Variants in ANXA3 observed in about 807,000 individuals in gnomAD.
The protein encoded by ANXA3 is annexin A3, also known as 35-alpha calcimedin.
A neutral mutation model predicts 48.8 loss-of-function variants in ANXA3; 46 were observed. That is an observed-to-expected ratio of 0.94 (90% confidence interval 0.74 to 1.21). The LOEUF is 1.21. Among genes scored for constraint, ANXA3 ranks in the 50% most tolerant of loss-of-function variants. The pLI is 0.00. For synonymous variants in ANXA3, 128 were observed against 134.7 expected (o/e 0.95, Z 0.35); for missense variants, 383 against 378.6 (o/e 1.01, Z -0.10).
At chr4:78,573,743 G>C (rs917494656) in intron 3 of ANXA3, among the ~76,000 whole-genome samples, 2 of 152,178 alleles carry the variant, frequency 1.3e-5, no homozygotes, top group African/African-American at 4.8e-5. Flanking sequence ...TGAAGATTCT[G>C]GGAAAAAGGT....
chr4:78,604,364 A>C lies in ANXA3; in HGVS notation c.877A>C (p.Lys293Gln), dbSNP rs373708588. The change falls in exon 12 of 13, where the codon AAG becomes CAG. Residue 293 changes from lysine to glutamine, a missense_variant. By Grantham distance (53) the Lys-to-Gln change is moderately conservative. Transcript: ENST00000264908. ...TTTGGACATTCGAACAGAGTTCAAG[A>C]AGCATTATGGCTATTCCCTATATTC... Reference protein sequence around the residue: ...DLLDIRTEFKKHYGYSLYSAI... With the variant: ...DLLDIRTEFKQHYGYSLYSAI... The C allele has an allele frequency of 2.8e-5, 45 of 1,613,370 alleles. No homozygotes were observed. In the African/African-American group the frequency reaches 5.3e-4, roughly 19 times the overall value.
At chr4:78,566,463 A>G (rs1179918774) in intron 2 of ANXA3, among the ~76,000 whole-genome samples, 2 of 148,572 alleles carry the variant, frequency 1.3e-5, no homozygotes, top group African/African-American at 5.0e-5. Flanking sequence ...ACTATACTAT[A>G]GAATACTACT....
At chr4:78,585,541 G>T (rs1243843891) in intron 5 of ANXA3, among the ~76,000 whole-genome samples, 1 of 152,234 alleles carries the variant, frequency 6.6e-6, no homozygotes, top group Non-Finnish European at 1.5e-5. Flanking sequence ...AAAAGAAGCT[G>T]AGAAACATAG....
intron 7 of ANXA3, 65 bp downstream of exon 7, chr4:78,591,688 GA>G: frequency 1.7e-6 from 2 of 1,209,920 alleles, no homozygotes; most frequent in Non-Finnish European, 1.2e-6. Flanking sequence ...AATTTTTAGG[GA>G]GTTTAAAAAT....
At chr4:78,593,484 G>A (rs1452374277) in intron 7 of ANXA3, among the ~76,000 whole-genome samples, 1 of 150,434 alleles carries the variant, frequency 6.6e-6, no homozygotes, top group Non-Finnish European at 1.5e-5. Context: ...TTACAGGCGT[G>A]AGCCACTGCG....
At chr4:78,563,865 G>A (rs1722675415) in intron 2 of ANXA3, among the ~76,000 whole-genome samples, 1 of 152,090 alleles carries the variant, frequency 6.6e-6, no homozygotes, top group African/African-American at 2.4e-5. Flanking sequence ...CCCTTAGACA[G>A]GGACGTCTCC....
Position 78,590,795 on chromosome 4 carries a change from C to T in ANXA3, c.404-749C>T, listed in dbSNP as rs112483671. Among the ~76,000 whole-genome samples the T allele has an allele frequency of 1.3e-4, 19 of 143,032 alleles. 2 individuals carry two copies. The highest frequency in any genetic ancestry group is 1.2e-3 in the South Asian group (6 of 4,808). The allele number at this position is 143,032 out of a possible 152,430, so 93.8% of individuals were successfully genotyped here. A position where few individuals can be genotyped will look rare whatever the true frequency, so the allele number is the denominator to read the frequency against. On this transcript the variant is annotated intron_variant, in intron 6 of 12. Coordinates refer to ENST00000264908, the MANE Select transcript of ANXA3 (RefSeq NM_005139.3). ...TATTCATTAAGATTAGGGTTAGATT[C>T]GATAAAACAGAAAAATTACAGTGGC...
intron 2 of ANXA3, among the ~76,000 whole-genome samples, chr4:78,569,287 T>G (rs1440152181): frequency 5.9e-5 from 9 of 152,146 alleles, no homozygotes; most frequent in Admixed American, 5.9e-4. Context: ...TAAATAGACT[T>G]TGCCAAGTAT....
chr4:78,561,006 C>A (rs1407346681), intron 2 of ANXA3, among the ~76,000 whole-genome samples: 1 of 151,994 alleles, frequency 6.6e-6, no homozygotes, highest in Admixed American at 6.6e-5. Context: ...ATCAGAAGCT[C>A]TGATTTTTAG....
At position 78,573,222 on chromosome 4, in the gene ANXA3, C is replaced by G. The variant is rs745825275; in HGVS notation, c.58C>G (p.Pro20Ala). ...AGTAAGAGATTATCCAGACTTTAGC[C>G]CATCAGTGGATGCTGAAGCTATTCA... ...GTVRDYPDFS[P>A]SVDAEAIQKA... The change falls in exon 3 of 13, where the codon CCA becomes GCA. Residue 20 changes from proline to alanine, a missense_variant. Physicochemically the swap from Pro to Ala is conservative, Grantham distance 27 (BLOSUM62 -1). Coordinates refer to ENST00000264908, the MANE Select transcript of ANXA3 (RefSeq NM_005139.3). 1 of 1,613,634 alleles carries G rather than the reference C, an allele frequency of 6.2e-7. No homozygotes were observed. The highest frequency in any genetic ancestry group is 2.2e-5 in the East Asian group (1 of 44,864).
At chr4:78,588,619 G>A (rs1483584828) in intron 6 of ANXA3, among the ~76,000 whole-genome samples, 2 of 152,110 alleles carry the variant, frequency 1.3e-5, no homozygotes. Context: ...TCTGAAAAGA[G>A]GGCTCCATCT....
intron 3 of ANXA3, among the ~76,000 whole-genome samples, chr4:78,578,331 A>AGAGAGAGAGGG (rs1560444874): frequency 2.4e-5 from 1 of 41,380 alleles, no homozygotes; most frequent in Non-Finnish European, 4.4e-5. Context: ...GAGAGAGAGA[A>AGAGAGAGAGGG]AGGGAGGGAG....
intron 3 of ANXA3, among the ~76,000 whole-genome samples, chr4:78,574,392 C>T (rs1176391796): frequency 1.3e-5 from 2 of 152,162 alleles, no homozygotes; most frequent in Admixed American, 1.3e-4. Flanking sequence ...TGCACTCCAG[C>T]CTCGATGACA....
At chr4:78,596,539 T>C (rs1056359374) in intron 9 of ANXA3, among the ~76,000 whole-genome samples, 18 of 152,254 alleles carry the variant, frequency 1.2e-4, no homozygotes, top group African/African-American at 4.3e-4. Flanking sequence ...ACCAAGCTTA[T>C]GCTGAGTTGA....
rs1405834451 is a variant in ANXA3, at chr4:78,579,128, T to G, written c.198+7T>G. ...TCAAGCAGCATATGGAAAGGTAAGG[T>G]CACATTAACATGACAGGCAGTAAAG... is the stretch of plus-strand genomic sequence containing the variant. On this transcript the variant is annotated splice_region_variant and intron_variant, in intron 4 of 12. Transcript: ENST00000264908. 6.3e-7 allele frequency: 1 copy of G among 1,596,090 alleles called. No individual in the cohort carries two copies. The highest frequency in any genetic ancestry group is 1.7e-5 in the Admixed American group (1 of 59,864).
At chr4:78,578,911 C>T (rs551950274) in intron 3 of ANXA3, 116 bp from the exon 4 acceptor site, 139 of 411,014 alleles carry the variant, frequency 3.4e-4, no homozygotes, top group African/African-American at 2.7e-3. Context: ...AGATAAGATG[C>T]TAGAAATTAA....
At chr4:78,560,505 G>A (rs774076271) in intron 2 of ANXA3, among the ~76,000 whole-genome samples, 1 of 152,182 alleles carries the variant, frequency 6.6e-6, no homozygotes. Flanking sequence ...TGGCATCAGG[G>A]CACCTCACCC....
At chr4:78,572,722 C>G (rs1722863925) in intron 2 of ANXA3, among the ~76,000 whole-genome samples, 1 of 152,158 alleles carries the variant, frequency 6.6e-6, no homozygotes, top group Non-Finnish European at 1.5e-5. Flanking sequence ...GTGATGCTAT[C>G]TGCAAGAGTA....
intron 1 of ANXA3, among the ~76,000 whole-genome samples, chr4:78,553,178 G>A (rs181853298): frequency 2.7e-4 from 41 of 152,308 alleles, no homozygotes; most frequent in Admixed American, 2.2e-3. Flanking sequence ...TTAGAGTCTA[G>A]CTGCCTAGAT....
Sources: gnomAD v4.1 joint callset for allele counts (sites outside exome capture counted in the v4.1 genomes callset) on GRCh38, gnomAD v4.1.1 for gene constraint, MANE v1.5 for transcripts, NCBI Gene and HGNC (gene_info 2026-07-23, HGNC 2026-07-21) for gene names.